Variants in KDM2A observed in about 807,000 individuals in gnomAD.
The protein encoded by KDM2A is lysine demethylase 2A.
KDM2A carries 3 observed loss-of-function variants against 137.3 expected under a neutral mutation model. The ratio of observed to expected loss-of-function variants is 0.02; its 90% CI spans 0.01 to 0.06. The LOEUF (loss-of-function observed/expected upper bound fraction) is 0.06. Ranked by LOEUF, KDM2A falls within the 10% of genes least tolerant of loss-of-function variation. The pLI, the probability that KDM2A is intolerant of heterozygous loss-of-function variation, is 1.00. For synonymous variants in KDM2A, 512 were observed against 541.5 expected, an observed-to-expected ratio of 0.95 and a Z score of 0.76; for missense variants, 738 against 1,510.6, an observed-to-expected ratio of 0.49 and a Z score of 8.48.
intron 5 of KDM2A, among the ~76,000 whole-genome samples, chr11:67,189,229 T>C (rs563657381): frequency 6.6e-6 from 1 of 152,288 alleles, no homozygotes; most frequent in South Asian, 2.1e-4. Context: ...CACAATGGGA[T>C]GAAGTTAAAA....
intron 2 of KDM2A, among the ~76,000 whole-genome samples, chr11:67,131,404 TTTC>T (rs1855851825): frequency 6.8e-6 from 1 of 148,008 alleles, no homozygotes; most frequent in Admixed American, 6.6e-5. Context: ...ACTTTAGTGT[TTTC>T]TTTTCTTTTT....
rs1164071860 is a variant in KDM2A at position 67,252,535 on chromosome 11, C to T, written c.2769-159C>T. The T allele has an allele frequency of 6.4e-6, 5 of 782,010 alleles. No individual in the cohort carries two copies. In the Admixed American group the frequency reaches 6.8e-5, roughly 11 times the overall value. The allele number at this position is 782,010 out of a possible 1,614,324, so 48.4% of individuals were successfully genotyped here. A position where few individuals can be genotyped will look rare whatever the true frequency, so the allele number is the denominator to read the frequency against. ...TGTAGAGTTCAAGGCAATTTTTTGCCTATTCTGTGAGGCAAAAAATGATAA... is the reference window on the plus strand; with the variant it reads ...TGTAGAGTTCAAGGCAATTTTTTGCTTATTCTGTGAGGCAAAAAATGATAA... On this transcript the variant is annotated intron_variant, in intron 17 of 20. Coordinates refer to ENST00000529006, the MANE Select transcript of KDM2A (RefSeq NM_012308.3).
intron 5 of KDM2A, among the ~76,000 whole-genome samples, chr11:67,187,066 C>G (rs1857224167): frequency 6.6e-6 from 1 of 152,064 alleles, no homozygotes; most frequent in Admixed American, 6.6e-5. Flanking sequence ...GTAGTGAAGT[C>G]AAACTGGTAT....
chr11:67,228,271 T>C (rs1858605987), intron 11 of KDM2A, 108 bp downstream of exon 11: 1 of 1,253,338 alleles, frequency 8.0e-7, no homozygotes. Flanking sequence ...TTTTAATTCA[T>C]CTACTTGGAA....
intron 5 of KDM2A, among the ~76,000 whole-genome samples, chr11:67,193,509 G>A (rs1217031070): frequency 6.6e-6 from 1 of 152,128 alleles, no homozygotes; most frequent in Non-Finnish European, 1.5e-5. Context: ...TACACATAAA[G>A]TGCTCAGAAG....
In KDM2A at chr11:67,257,005, A is replaced by G. The variant is rs886700515; in HGVS notation, c.*1950A>G. On this transcript the variant is annotated 3_prime_UTR_variant, in exon 21 of 21. Coordinates refer to ENST00000529006, the MANE Select transcript of KDM2A (RefSeq NM_012308.3). ...GTAAAGAACCCTGGGTATTGAGCAAAAACCTTATTATCGTTAATGACCTAT... is the reference window on the plus strand; with the variant it reads ...GTAAAGAACCCTGGGTATTGAGCAAGAACCTTATTATCGTTAATGACCTAT... 1 of 152,594 alleles carries G rather than the reference A, an allele frequency of 6.6e-6. No individual in the cohort carries two copies. The highest frequency in any genetic ancestry group is 2.4e-5 in the African/African-American group (1 of 41,442). 9.5% of individuals were successfully genotyped at this position (152,594 alleles called of 1,614,324 possible). A position where few individuals can be genotyped will look rare whatever the true frequency, so the allele number is the denominator to read the frequency against.
At chr11:67,221,019 A>G (rs1389246188) in intron 10 of KDM2A, among the ~76,000 whole-genome samples, 20 of 140,320 alleles carry the variant, frequency 1.4e-4, no homozygotes, top group East Asian at 6.0e-4. Flanking sequence ...GTCTGACCCG[A>G]AAAAAAAAAA....
At chr11:67,145,572 A>G (rs1414494287) in intron 2 of KDM2A, among the ~76,000 whole-genome samples, 1 of 152,022 alleles carries the variant, frequency 6.6e-6, no homozygotes, top group Non-Finnish European at 1.5e-5. Flanking sequence ...TTAGGAAATA[A>G]AGGCTCATAG....
intron 2 of KDM2A, among the ~76,000 whole-genome samples, chr11:67,179,104 AGTG>A (rs1018944612): frequency 1.1e-4 from 16 of 152,258 alleles, no homozygotes; most frequent in African/African-American, 3.9e-4. Flanking sequence ...GTGGGTATAA[AGTG>A]GTATTTCATT....
At chr11:67,203,822 CAG>C (rs1459114301) in intron 5 of KDM2A, among the ~76,000 whole-genome samples, 4 of 149,330 alleles carry the variant, frequency 2.7e-5, no homozygotes, top group African/African-American at 4.9e-5. Flanking sequence ...CTTTTTAAGA[CAG>C]AGTCTTGCTG....
intron 11 of KDM2A, 42 bp downstream of exon 11, chr11:67,228,205 G>T: frequency 6.3e-7 from 1 of 1,596,720 alleles, no homozygotes; most frequent in Non-Finnish European, 8.6e-7. Context: ...CACCGCTTAG[G>T]TCTGAGGGTG....
chr11:67,195,184 T>TC (rs1402242458), intron 5 of KDM2A, among the ~76,000 whole-genome samples: 1 of 151,964 alleles, frequency 6.6e-6, no homozygotes, highest in African/African-American at 2.4e-5. Flanking sequence ...TCTCAGTTTA[T>TC]CCATGACTTG....
At chr11:67,162,960 C>T (rs1856666155) in intron 2 of KDM2A, among the ~76,000 whole-genome samples, 1 of 152,014 alleles carries the variant, frequency 6.6e-6, no homozygotes, top group Non-Finnish European at 1.5e-5. Context: ...TCCTCTTGCC[C>T]CAGCCTCCCA....
chr11:67,140,227 G>A (rs1245818006), intron 2 of KDM2A, among the ~76,000 whole-genome samples: 1 of 151,980 alleles, frequency 6.6e-6, no homozygotes, highest in Non-Finnish European at 1.5e-5. Context: ...TTAGCTGGCT[G>A]TCATGGCGTG....
intron 2 of KDM2A, among the ~76,000 whole-genome samples, chr11:67,161,869 A>G (rs1856646666): frequency 1.3e-5 from 2 of 152,152 alleles, no homozygotes; most frequent in African/African-American, 4.8e-5. Flanking sequence ...GGACTAAGGG[A>G]ATGTATATTT....
In KDM2A at chr11:67,254,592, G is replaced by T. The variant is rs114066138; in HGVS notation, c.3307+174G>T. 2.0e-3 allele frequency: 1,340 copies of T among 668,100 alleles called. 16 individuals carry two copies. The African/African-American group carries it at 0.022, about 11-fold the overall frequency. 41.4% of individuals were successfully genotyped at this position (668,100 alleles called of 1,614,324 possible). A position where few individuals can be genotyped will look rare whatever the true frequency, so the allele number is the denominator to read the frequency against. On this transcript the variant is annotated intron_variant, in intron 20 of 20. Coordinates refer to ENST00000529006, the MANE Select transcript of KDM2A (RefSeq NM_012308.3). The surrounding 1 kb of genome is among the most constrained non-coding windows in gnomAD (Gnocchi z 4.7). Reference sequence around the variant, plus strand: ...TCCCTTTTTTAACTGATGGGGGACTGAGGCCTTGAGTAGTTAAGTCGGTTG... The same window carrying T: ...TCCCTTTTTTAACTGATGGGGGACTTAGGCCTTGAGTAGTTAAGTCGGTTG...
intron 5 of KDM2A, among the ~76,000 whole-genome samples, chr11:67,202,376 C>T (rs535504898): frequency 1.3e-5 from 2 of 152,256 alleles, no homozygotes; most frequent in South Asian, 4.2e-4. Flanking sequence ...GAAAGACGTT[C>T]TACCATGGGT....
chr11:67,219,252 G>A (rs1384941233), intron 9 of KDM2A, 36 bp from the exon 10 acceptor site: 3 of 1,104,720 alleles, frequency 2.7e-6, no homozygotes, highest in Admixed American at 4.6e-5. Flanking sequence ...TGTAATGTGT[G>A]TTTTCAGCCA....
At chr11:67,196,648 C>G (rs942429939) in intron 5 of KDM2A, 2 of 358,362 alleles carry the variant, frequency 5.6e-6, no homozygotes, top group African/African-American at 2.1e-5. Context: ...CTGTGTAATT[C>G]CACTGACATG....
Sources: allele counts gnomAD v4.1 joint callset (sites outside exome capture counted in the v4.1 genomes callset), GRCh38; gene constraint gnomAD v4.1.1; non-coding constraint Gnocchi (gnomAD v3.1); transcripts MANE v1.5; gene names NCBI Gene and HGNC (gene_info 2026-07-23, HGNC 2026-07-21).